The following RAB34 variants were observed in gnomAD, a reference collection of about 807,000 sequenced individuals.
RAB34 encodes RAB34, member RAS oncogene family.
A neutral mutation model predicts 39.0 loss-of-function variants in RAB34; 33 were observed. That is an observed-to-expected ratio of 0.85 (90% confidence interval 0.64 to 1.13). The LOEUF (loss-of-function observed/expected upper bound fraction) is 1.13. RAB34 is among the 50% of genes most tolerant of loss of function. The pLI is 0.00. For synonymous variants in RAB34, 135 were observed against 125.1 expected, an observed-to-expected ratio of 1.08 and a Z score of -0.53; for missense variants, 289 against 326.1, an observed-to-expected ratio of 0.89 and a Z score of 0.88.
upstream of RAB34, chr17:28,717,958 T>TCTCCCCC: frequency 1.9e-6 from 1 of 519,548 alleles, no homozygotes; most frequent in Non-Finnish European, 2.2e-6. Flanking sequence ...CGCCACCCCC[T>TCTCCCCC]CCTCTCCACC....
Position 28,717,585 on chromosome 17 carries a change from G to A in RAB34, c.-319C>T, listed in dbSNP as rs753229544. The A allele has an allele frequency of 1.4e-4, 204 of 1,415,480 alleles. 2 individuals carry two copies. The African/African-American group carries it at 2.5e-3, about 17-fold the overall frequency. 87.7% of individuals were successfully genotyped at this position (1,415,480 alleles called of 1,614,324 possible). ...GTCCCGTCTGGTGGGGGCCGGGCCC[G>A]CGCAGACCCTACGATTACGCGGGGC... is the stretch of plus-strand genomic sequence containing the variant. On this transcript the variant is annotated 5_prime_UTR_variant, in exon 1 of 10. Coordinates refer to ENST00000395245, the MANE Select transcript of RAB34 (RefSeq NM_031934.6).
At chr17:28,716,729 T>A in intron 2 of RAB34, 174 bp downstream of exon 2, 1 of 721,910 alleles carries the variant, frequency 1.4e-6, no homozygotes, top group South Asian at 2.3e-5. Flanking sequence ...CTCATAGAAC[T>A]CACAACAACC....
intron 2 of RAB34, 113 bp from the exon 3 acceptor site, chr17:28,716,171 A>G: frequency 6.8e-7 from 1 of 1,480,102 alleles, no homozygotes; most frequent in Non-Finnish European, 9.2e-7. Context: ...TGAGGGTATT[A>G]TAGACACCAG....
intron 8 of RAB34, 52 bp downstream of exon 8, chr17:28,714,980 G>C: frequency 6.2e-7 from 1 of 1,600,062 alleles, no homozygotes; most frequent in South Asian, 1.1e-5. Context: ...GTAGCAGTGA[G>C]AGGAGAGCCA....
chr17:28,714,501 C>T lies in RAB34; in HGVS notation c.*142G>A. On this transcript the variant is annotated 3_prime_UTR_variant, in exon 10 of 10. Transcript: ENST00000395245. ...AAGTGACTAGCATGATCCCAGCTAC[C>T]CCTCTGTGGGAATACTGCCACCAAG... 1 of 1,575,490 alleles carries T rather than the reference C, an allele frequency of 6.3e-7. No homozygotes were observed. Among genetic ancestry groups the T allele is most frequent in the East Asian group, 2.2e-5 (1 of 44,620 alleles).
Position 28,715,638 on chromosome 17 carries a change from T to TG in RAB34, c.379+2_379+3insC. On this transcript the variant is annotated splice_region_variant and intron_variant, in intron 5 of 9. Coordinates refer to ENST00000395245, the MANE Select transcript of RAB34 (RefSeq NM_031934.6). ...ACCTACCCCACTTCACCCAGCCCCT[T>TG]ACCTTGAGCTCCTCTATAGTAGGTT... The TG allele has an allele frequency of 1.2e-6, 2 of 1,614,138 alleles. No homozygotes were observed. Among genetic ancestry groups the TG allele is most frequent in the Non-Finnish European group, 1.7e-6 (2 of 1,180,020 alleles).
At chr17:28,716,675 T>C in intron 2 of RAB34, 1 of 482,494 alleles carries the variant, frequency 2.1e-6, no homozygotes. Flanking sequence ...GACACCTTAG[T>C]CTCTACTCAG....
At chr17:28,718,020 A>G, upstream of RAB34, 2 of 1,116,548 alleles carry the variant, frequency 1.8e-6, no homozygotes, top group South Asian at 1.7e-5. Flanking sequence ...ACCGGGCACC[A>G]GGACCGCCCC....
chr17:28,716,760 G>A (rs553309190), intron 2 of RAB34, 143 bp downstream of exon 2: 131 of 943,864 alleles, frequency 1.4e-4, no homozygotes, highest in Non-Finnish European at 1.9e-4. Context: ...AAAAGGAGGG[G>A]ATACAGGGGC....
intron 1 of RAB34, 34 bp downstream of exon 1, chr17:28,717,178 TG>T: frequency 6.3e-7 from 1 of 1,581,984 alleles, no homozygotes; most frequent in South Asian, 1.1e-5. Context: ...CACCCCGGGC[TG>T]TAGACTGAAG....
intron 2 of RAB34, chr17:28,716,589 G>A: frequency 3.1e-6 from 1 of 318,142 alleles, no homozygotes; most frequent in Non-Finnish European, 5.8e-6. Context: ...ATCCCTGTAA[G>A]CACAGCCAGA....
intron 6 of RAB34, 88 bp downstream of exon 6, chr17:28,715,368 A>G: frequency 6.3e-7 from 1 of 1,589,476 alleles, no homozygotes; most frequent in South Asian, 1.1e-5. Flanking sequence ...CTCTGGTCCT[A>G]CATGCATTCT....
Position 28,715,998 on chromosome 17 carries a change from A to C in RAB34, c.207T>G (p.Ile69Met). The C allele has an allele frequency of 1.9e-6, 3 of 1,613,780 alleles. No homozygotes were observed. The highest frequency in any genetic ancestry group is 2.5e-6 in the Non-Finnish European group (3 of 1,179,942). Residue 69 changes from isoleucine to methionine, a missense_variant, in exon 3 of 10, where the codon ATT becomes ATG. Physicochemically the swap from Ile to Met is conservative, Grantham distance 10 (BLOSUM62 1). Transcript: ENST00000395245. ...CAGCTCCAGCACCCCCTTACCTATT[A>C]ATGAGGCAAGTCTTCCCCACCGACA... Reference protein sequence around the residue: ...GDLSVGKTCLINRFCKDTFDK... With the variant: ...GDLSVGKTCLMNRFCKDTFDK...
Position 28,714,460 on chromosome 17 carries a change from G to A in RAB34, c.*183C>T, listed in dbSNP as rs933001438. ...GTAGGGGGCATCCAGTCTTTGGCAC[G>A]GTGCCTGGGGGCAGGAAGTGACTAG... On this transcript the variant is annotated 3_prime_UTR_variant, in exon 10 of 10. Coordinates refer to ENST00000395245, the MANE Select transcript of RAB34 (RefSeq NM_031934.6). The A allele has an allele frequency of 2.3e-5, 31 of 1,358,268 alleles. No homozygotes were observed. The highest frequency in any genetic ancestry group is 8.6e-5 in the African/African-American group (6 of 69,806). The allele number at this position is 1,358,268 out of a possible 1,614,324, so 84.1% of individuals were successfully genotyped here.
upstream of RAB34, chr17:28,718,185 G>A (rs2033868515): frequency 1.9e-6 from 3 of 1,607,942 alleles, no homozygotes; most frequent in East Asian, 4.5e-5. Flanking sequence ...CCAGGAACCA[G>A]CAGGGAGGGG....
chr17:28,715,309 G>A (rs1440006936), intron 6 of RAB34, 33 bp from the exon 7 acceptor site: 1 of 1,601,118 alleles, frequency 6.2e-7, no homozygotes, highest in East Asian at 2.2e-5. Flanking sequence ...AGGGATGAGT[G>A]AGTCTGCAGG....
Position 28,714,656 on chromosome 17 carries a change from G to A in RAB34, c.767C>T (p.Thr256Ile). ...LYLTASKKKP[T>I]CCP ...TCTCCTCAGCCCTCATGGGCAACAT[G>A]TGGGCTTCTTCTTGCTGGCAGTTAG... Residue 256 changes from threonine to isoleucine, a missense_variant, in exon 10 of 10, where the codon ACA becomes ATA. Physicochemically the swap from Thr to Ile is moderately conservative, Grantham distance 89. Coordinates refer to ENST00000395245, the MANE Select transcript of RAB34 (RefSeq NM_031934.6). 1 of 1,614,138 alleles carries A rather than the reference G, an allele frequency of 6.2e-7. No homozygotes were observed. Among genetic ancestry groups the A allele is most frequent in the Non-Finnish European group, 8.5e-7 (1 of 1,179,998 alleles).
Position 28,717,304 on chromosome 17 carries a change from C to G in RAB34, c.-38G>C, listed in dbSNP as rs372130208. ...CTTGCAGGGCGCCCTGAGAAGGCGC[C>G]GAGGCCGGATCCGCGTCAGCGACCC... On this transcript the variant is annotated 5_prime_UTR_variant, in exon 1 of 10. Transcript: ENST00000395245. The G allele has an allele frequency of 7.5e-3, 11,764 of 1,564,298 alleles. 56 individuals carry two copies. Among genetic ancestry groups the G allele is most frequent in the Non-Finnish European group, 9.0e-3 (10,407 of 1,159,030 alleles).
At chr17:28,714,952 C>T in intron 8 of RAB34, 52 bp from the exon 9 acceptor site, 1 of 1,599,102 alleles carries the variant, frequency 6.3e-7, no homozygotes, top group Non-Finnish European at 8.6e-7. Context: ...TCTGGGGACA[C>T]AGGGCACAGC....
Sources: gnomAD v4.1 joint callset for allele counts on GRCh38, gnomAD v4.1.1 for gene constraint, MANE v1.5 for transcripts, NCBI Gene and HGNC (gene_info 2026-07-23, HGNC 2026-07-21) for gene names.